Variants in C1orf87 observed in about 807,000 individuals in gnomAD.
C1orf87 encodes the protein chromosome 1 open reading frame 87, also known as uncharacterized protein C1orf87.
A neutral mutation model predicts 60.5 loss-of-function variants in C1orf87; 58 were observed. The ratio of observed to expected loss-of-function variants is 0.96; its 90% CI spans 0.78 to 1.19. The LOEUF is 1.19. Among genes scored for constraint, C1orf87 ranks in the 50% most tolerant of loss-of-function variants. C1orf87 has a pLI of 0.00. For synonymous variants in C1orf87, 236 were observed against 227.4 expected, an observed-to-expected ratio of 1.04 and a Z score of -0.34; for missense variants, 673 against 638.6, an observed-to-expected ratio of 1.05 and a Z score of -0.58.
Position 60,072,673 on chromosome 1 carries a change from A to G in C1orf87, c.-27-3T>C. 1 of 1,494,804 alleles carries G rather than the reference A, an allele frequency of 6.7e-7. No individual in the cohort carries two copies. The highest frequency in any genetic ancestry group is 9.2e-7 in the Non-Finnish European group (1 of 1,089,048). 92.6% of individuals were successfully genotyped at this position (1,494,804 alleles called of 1,614,324 possible). On this transcript the variant is annotated splice_region_variant and splice_polypyrimidine_tract_variant and intron_variant, in intron 1 of 11. Coordinates refer to ENST00000371201, the MANE Select transcript of C1orf87 (RefSeq NM_152377.3). ...CCTTTCAAAATCCCTTCAGATCCCT[A>G]GGGGTGAAAATAAGTAAATTGTTCC...
At chr1:60,000,956 C>G in intron 10 of C1orf87, 121 bp downstream of exon 10, 2 of 774,934 alleles carry the variant, frequency 2.6e-6, no homozygotes, top group South Asian at 3.3e-5. Flanking sequence ...CAAAGACAGT[C>G]TGACATCAAG....
intron 2 of C1orf87, among the ~76,000 whole-genome samples, chr1:60,059,323 C>G (rs540865809): frequency 1.0e-3 from 157 of 152,326 alleles, no homozygotes; most frequent in African/African-American, 3.7e-3. Flanking sequence ...GGAAGCAAGA[C>G]ACAGCTAGCT....
intron 7 of C1orf87, among the ~76,000 whole-genome samples, chr1:60,031,495 C>A (rs1291691605): frequency 6.6e-6 from 1 of 152,154 alleles, no homozygotes; most frequent in Non-Finnish European, 1.5e-5. Context: ...TCAATGTGGC[C>A]ATCACTTGAC....
intron 8 of C1orf87, among the ~76,000 whole-genome samples, chr1:60,014,925 A>G (rs1393759706): frequency 6.6e-6 from 1 of 152,210 alleles, no homozygotes; most frequent in Non-Finnish European, 1.5e-5. Flanking sequence ...CTCTGTTCAG[A>G]CTGCCAGGAT....
chr1:60,037,723 C>A (rs935550900), intron 6 of C1orf87, among the ~76,000 whole-genome samples: 3 of 152,190 alleles, frequency 2.0e-5, no homozygotes, highest in African/African-American at 7.2e-5. Context: ...CATACCAATA[C>A]CTTTGTAAGG....
intron 9 of C1orf87, among the ~76,000 whole-genome samples, chr1:60,003,379 A>C (rs1449027277): frequency 6.6e-6 from 1 of 151,890 alleles, no homozygotes; most frequent in Non-Finnish European, 1.5e-5. Context: ...ATAGATAACG[A>C]GTTAGTGGGT....
chr1:60,071,555 G>A (rs983724256), intron 2 of C1orf87, among the ~76,000 whole-genome samples: 4 of 152,168 alleles, frequency 2.6e-5, no homozygotes, highest in Non-Finnish European at 1.5e-5. Flanking sequence ...AATCCCTCTA[G>A]ACCTTACAAT....
chr1:60,030,158 C>T (rs1440673831), intron 7 of C1orf87, among the ~76,000 whole-genome samples: 1 of 152,274 alleles, frequency 6.6e-6, no homozygotes, highest in South Asian at 2.1e-4. Flanking sequence ...CCATAAAAGT[C>T]TGTTGTCCTC....
chr1:60,022,899 A>T (rs879426335), intron 8 of C1orf87, among the ~76,000 whole-genome samples: 1 of 152,168 alleles, frequency 6.6e-6, no homozygotes, highest in Non-Finnish European at 1.5e-5. Context: ...GATATGTTGG[A>T]TGAAGGGAAG....
At chr1:60,032,444 T>TG (rs1164201309) in intron 7 of C1orf87, among the ~76,000 whole-genome samples, 1 of 144,930 alleles carries the variant, frequency 6.9e-6, no homozygotes, top group Non-Finnish European at 1.5e-5. Context: ...TTTTTTTTTT[T>TG]TTTTTTTTTT....
chr1:60,006,800 G>A (rs56030769), intron 9 of C1orf87, among the ~76,000 whole-genome samples: 9,067 of 151,834 alleles, frequency 0.06, 310 homozygotes, highest in Admixed American at 0.093. Context: ...TACTACTTTC[G>A]GAAGCTTCTC....
intron 5 of C1orf87, among the ~76,000 whole-genome samples, chr1:60,039,575 C>T (rs1294800920): frequency 6.6e-6 from 1 of 152,198 alleles, no homozygotes; most frequent in Non-Finnish European, 1.5e-5. Flanking sequence ...AGCTCAGTCT[C>T]AATTCTTACC....
At chr1:60,048,509 C>G (rs1645389689) in intron 3 of C1orf87, among the ~76,000 whole-genome samples, 1 of 152,050 alleles carries the variant, frequency 6.6e-6, no homozygotes, top group African/African-American at 2.4e-5. Context: ...TGTTGTATAC[C>G]AAAAGATAAG....
At chr1:60,037,370 C>T (rs568538299) in intron 6 of C1orf87, among the ~76,000 whole-genome samples, 1 of 152,282 alleles carries the variant, frequency 6.6e-6, no homozygotes, top group African/African-American at 2.4e-5. Context: ...AATAGAATAT[C>T]TGAGATTGGG....
chr1:60,067,560 GT>G (rs34417479), intron 2 of C1orf87, among the ~76,000 whole-genome samples: 10,665 of 58,904 alleles, frequency 0.18, 293 homozygotes, highest in East Asian at 0.27. Flanking sequence ...TTTTGATGGG[GT>G]TTTTTTTTTT....
At chr1:60,065,686 A>C (rs1342907009) in intron 2 of C1orf87, among the ~76,000 whole-genome samples, 1 of 152,162 alleles carries the variant, frequency 6.6e-6, no homozygotes, top group Admixed American at 6.6e-5. Context: ...ATTAATTTCT[A>C]AAACCATTAA....
intron 11 of C1orf87, among the ~76,000 whole-genome samples, chr1:59,991,468 T>C (rs74590678): frequency 0.012 from 1,845 of 152,352 alleles, 38 homozygotes; most frequent in African/African-American, 0.041. Context: ...TACAATGCAA[T>C]TGCAATGCAA....
At chr1:60,012,772 A>G (rs1467569271) in intron 8 of C1orf87, among the ~76,000 whole-genome samples, 2 of 152,090 alleles carry the variant, frequency 1.3e-5, no homozygotes, top group East Asian at 3.9e-4. Flanking sequence ...GCATTATCTC[A>G]TTTAATTGAG....
rs781645341 is a variant in C1orf87 at position 60,055,216 on chromosome 1, G to A, written c.330C>T (p.Phe110=). The A allele has an allele frequency of 9.5e-5, 154 of 1,612,750 alleles. 1 individual carries two copies. The East Asian group carries it at 3.4e-3, about 35-fold the overall frequency. ...KLLTGANSSR[F]LDGNIPSQAN... ...TTTTGTCACTCACATTGCCATCCAG[G>A]AATCTGCTACTGTTTGCCCCTGTTA... is the stretch of plus-strand genomic sequence containing the variant. The change falls in exon 3 of 12, where the codon TTC becomes TTT. Residue 110 remains phenylalanine, a synonymous_variant. Coordinates refer to ENST00000371201, the MANE Select transcript of C1orf87 (RefSeq NM_152377.3).
Sources: allele counts gnomAD v4.1 joint callset (sites outside exome capture counted in the v4.1 genomes callset), GRCh38; gene constraint gnomAD v4.1.1; transcripts MANE v1.5; gene names NCBI Gene and HGNC (gene_info 2026-07-23, HGNC 2026-07-21).